The following INTS4 variants were observed in gnomAD, a reference collection of about 807,000 sequenced individuals.
INTS4 encodes integrator complex subunit 4.
A neutral mutation model predicts 119.5 loss-of-function variants in INTS4; 70 were observed. The observed-to-expected ratio is 0.59, with a 90% CI of 0.48 to 0.71. The LOEUF (loss-of-function observed/expected upper bound fraction) is 0.71. Ranked by LOEUF, INTS4 falls within the 30% of genes least tolerant of loss-of-function variation. The pLI, the probability that INTS4 is intolerant of heterozygous loss-of-function variation, is 0.00. For missense variants in INTS4, 867 were observed against 1,173.2 expected, an observed-to-expected ratio of 0.74 and a Z score of 3.81; for synonymous variants, 316 against 419.6, an observed-to-expected ratio of 0.75 and a Z score of 3.02.
At chr11:77,917,608 C>A (rs1953234810) in intron 15 of INTS4, among the ~76,000 whole-genome samples, 2 of 151,904 alleles carry the variant, frequency 1.3e-5, no homozygotes, top group Non-Finnish European at 2.9e-5. Context: ...CTGCACCTGG[C>A]CGATATAATA....
At chr11:77,951,817 G>GA (rs1199200598) in intron 8 of INTS4, among the ~76,000 whole-genome samples, 2 of 151,964 alleles carry the variant, frequency 1.3e-5, no homozygotes, top group Non-Finnish European at 2.9e-5. Flanking sequence ...AAATCTACAA[G>GA]AAAAAAACAA....
intron 8 of INTS4, among the ~76,000 whole-genome samples, chr11:77,952,701 TAG>T (rs1192763097): frequency 6.6e-6 from 1 of 152,226 alleles, no homozygotes; most frequent in Non-Finnish European, 1.5e-5. Context: ...TGACTCAAGT[TAG>T]AGTCATTCAA....
At chr11:77,980,365 T>A (rs1363183895) in intron 3 of INTS4, among the ~76,000 whole-genome samples, 1 of 148,696 alleles carries the variant, frequency 6.7e-6, no homozygotes, top group African/African-American at 2.5e-5. Context: ...GTTTTGGTGC[T>A]TGTATTTATT....
chr11:77,993,626 T>G (rs1408716805), intron 1 of INTS4, among the ~76,000 whole-genome samples: 3 of 126,010 alleles, frequency 2.4e-5, no homozygotes, highest in Non-Finnish European at 4.8e-5. Flanking sequence ...TTTTATATTA[T>G]GTATTGACAT....
chr11:77,963,224 A>G (rs971980680), intron 4 of INTS4, among the ~76,000 whole-genome samples: 3 of 152,038 alleles, frequency 2.0e-5, no homozygotes, highest in African/African-American at 7.2e-5. Context: ...AGCCCAAAAG[A>G]GAGTCTCATG....
At chr11:77,953,050 A>T (rs1281982217) in intron 8 of INTS4, among the ~76,000 whole-genome samples, 1 of 152,222 alleles carries the variant, frequency 6.6e-6, no homozygotes, top group Non-Finnish European at 1.5e-5. Context: ...TGGCTTGTTT[A>T]ACTCTACTAT....
intron 4 of INTS4, among the ~76,000 whole-genome samples, chr11:77,974,476 C>T (rs1042016118): frequency 5.3e-5 from 8 of 151,754 alleles, no homozygotes; most frequent in African/African-American, 1.7e-4. Context: ...CTCCTGACCT[C>T]GTGATCTGCC....
At chr11:77,930,887 G>A (rs1476021968) in intron 10 of INTS4, among the ~76,000 whole-genome samples, 1 of 152,086 alleles carries the variant, frequency 6.6e-6, no homozygotes, top group Non-Finnish European at 1.5e-5. Context: ...CAGAGAAAAG[G>A]AATCTACTAT....
intron 16 of INTS4, among the ~76,000 whole-genome samples, chr11:77,905,823 C>G (rs1952934151): frequency 6.6e-6 from 1 of 152,156 alleles, no homozygotes; most frequent in Non-Finnish European, 1.5e-5. Context: ...GCATTTATAC[C>G]TTTCCCTTTA....
chr11:77,893,744 T>C (rs1323260080), intron 19 of INTS4, among the ~76,000 whole-genome samples: 2 of 151,866 alleles, frequency 1.3e-5, no homozygotes, highest in Non-Finnish European at 2.9e-5. Context: ...AATACAAAAA[T>C]TAGCCAGGTG....
At chr11:77,960,018 C>T (rs775404833) in intron 6 of INTS4, among the ~76,000 whole-genome samples, 13 of 152,064 alleles carry the variant, frequency 8.5e-5, no homozygotes, top group African/African-American at 1.7e-4. Flanking sequence ...AGTTCATGTA[C>T]GGCCCAACCA....
intron 4 of INTS4, among the ~76,000 whole-genome samples, chr11:77,971,110 T>C (rs1024389387): frequency 7.9e-5 from 12 of 151,952 alleles, no homozygotes; most frequent in Admixed American, 6.6e-5. Flanking sequence ...ACCCAGCTCA[T>C]TGTGGTTTTG....
rs755290472 is a variant in INTS4 at position 77,891,767 on chromosome 11, T to A, written c.2362A>T (p.Met788Leu). 6.8e-6 allele frequency: 11 copies of A among 1,611,904 alleles called. No homozygotes were observed. The highest frequency in any genetic ancestry group is 7.6e-6 in the Non-Finnish European group (9 of 1,179,870). Residue 788 changes from methionine to leucine, a missense_variant, in exon 20 of 23, where the codon ATG becomes TTG. Coordinates refer to ENST00000534064, the MANE Select transcript of INTS4 (RefSeq NM_033547.4). The stretch of plus-strand genomic sequence containing the variant: ...ACCACTTCTGCAGGTTTGGATGTCA[T>A]GAGTCGGGGCATAAGGTCAAGGAGT... ...DKLLDLMPRL[M>L]TSKPAEVVKI... is the part of the protein sequence containing the mutation.
chr11:77,878,720 T>C lies in INTS4; in HGVS notation c.*229A>G, dbSNP rs528482163. ...TTTACAGACCAGGAACTAGAACAGC[T>C]TGGTGTTTTCTCAACTTTATTGTGG... On this transcript the variant is annotated 3_prime_UTR_variant, in exon 23 of 23. Coordinates refer to ENST00000534064, the MANE Select transcript of INTS4 (RefSeq NM_033547.4). 1.4e-6 allele frequency: 1 copy of C among 695,258 alleles called. No individual in the cohort carries two copies. Among genetic ancestry groups the C allele is most frequent in the East Asian group, 2.7e-5 (1 of 37,256 alleles). The allele number at this position is 695,258 out of a possible 1,614,324, so 43.1% of individuals were successfully genotyped here.
At chr11:77,980,674 C>T (rs997666868) in intron 3 of INTS4, among the ~76,000 whole-genome samples, 27 of 152,148 alleles carry the variant, frequency 1.8e-4, no homozygotes, top group Non-Finnish European at 3.7e-4. Context: ...CTAACCTGTG[C>T]CTAGCCTGTT....
At chr11:77,973,467 T>C (rs562294083) in intron 4 of INTS4, among the ~76,000 whole-genome samples, 2 of 152,250 alleles carry the variant, frequency 1.3e-5, no homozygotes, top group African/African-American at 4.8e-5. Flanking sequence ...TGAAGAAAAA[T>C]ATAATGACCT....
chr11:77,972,669 G>A (rs995368187), intron 4 of INTS4, among the ~76,000 whole-genome samples: 9 of 151,622 alleles, frequency 5.9e-5, no homozygotes, highest in South Asian at 2.1e-4. Flanking sequence ...TGCCTACCAC[G>A]GCCTCCCAAA....
At chr11:77,925,349 T>G (rs1953469817) in intron 11 of INTS4, among the ~76,000 whole-genome samples, 1 of 152,200 alleles carries the variant, frequency 6.6e-6, no homozygotes. Context: ...GTAACAGATG[T>G]AATAATGAAA....
intron 22 of INTS4, 79 bp downstream of exon 22, chr11:77,883,748 TCAAAC>T: frequency 7.0e-7 from 1 of 1,435,210 alleles, no homozygotes; most frequent in Admixed American, 2.1e-5. Flanking sequence ...TGTATTTTTT[TCAAAC>T]TTTAAAAACC....
Sources: gnomAD v4.1 joint callset for allele counts (sites outside exome capture counted in the v4.1 genomes callset) on GRCh38, gnomAD v4.1.1 for gene constraint, MANE v1.5 for transcripts, NCBI Gene and HGNC (gene_info 2026-07-23, HGNC 2026-07-21) for gene names.